Variants in SEZ6L observed in about 807,000 individuals in gnomAD.
SEZ6L encodes seizure 6-like protein.
Under a neutral mutation model 106.2 loss-of-function variants are expected in SEZ6L, and 37 were observed. The observed-to-expected ratio is 0.35, with a 90% CI of 0.27 to 0.46. The LOEUF is 0.46. Among genes scored for constraint, SEZ6L ranks in the 20% least tolerant of loss-of-function variants. SEZ6L has a pLI of 1.00. For missense variants in SEZ6L, 1,172 were observed against 1,332.8 expected (o/e 0.88, Z 1.88); for synonymous variants, 541 against 570.4 (o/e 0.95, Z 0.73).
At chr22:26,187,664 A>G (rs1473363582) in intron 1 of SEZ6L, among the ~76,000 whole-genome samples, 3 of 152,144 alleles carry the variant, frequency 2.0e-5, no homozygotes, top group Non-Finnish European at 4.4e-5. Flanking sequence ...AGAGGAGAGG[A>G]AAAGAATATA....
chr22:26,382,212 TA>T lies in SEZ6L; in HGVS notation c.*1918del, dbSNP rs566483976. On this transcript the variant is annotated 3_prime_UTR_variant, in exon 17 of 17. Coordinates refer to ENST00000248933, the MANE Select transcript of SEZ6L (RefSeq NM_021115.5). ...GAACCAGAGAAGTGTTCTAGGCCAT[TA>T]GTGGACAATGTCATGTTTGGAGAAA... 13 of 276,798 alleles carry T rather than the reference TA, an allele frequency of 4.7e-5. No individual in the cohort carries two copies. In the East Asian group the frequency reaches 1.1e-3, roughly 23 times the overall value. The allele number at this position is 276,798 out of a possible 1,614,324, so 17.1% of individuals were successfully genotyped here.
At chr22:26,170,650 A>T (rs1378183794) in intron 1 of SEZ6L, among the ~76,000 whole-genome samples, 1 of 152,088 alleles carries the variant, frequency 6.6e-6, no homozygotes, top group Non-Finnish European at 1.5e-5. Context: ...GGCCAGATAG[A>T]GAGAGGGGTG....
chr22:26,292,991 A>G lies in SEZ6L; in HGVS notation c.680A>G (p.Asp227Gly). ...CCAGAACCCGGGGAGCCTGGGCCTG[A>G]CATGGCCCAGGAGGCCCCCCAGGAG... ...QRPEPGEPGPDMAQEAPQEDT... is the reference protein window; with the variant it reads ...QRPEPGEPGPGMAQEAPQEDT... Residue 227 changes from aspartate to glycine, a missense_variant, in exon 2 of 17, where the codon GAC (aspartate) becomes GGC (glycine). Around this residue, in one of 4 missense-constraint regions of SEZ6L, gnomAD observed 494 missense variants for 445.8 expected, o/e 1.11. Transcript: ENST00000248933. The G allele has an allele frequency of 6.2e-7, 1 of 1,614,008 alleles. No homozygotes were observed. The highest frequency in any genetic ancestry group is 8.5e-7 in the Non-Finnish European group (1 of 1,179,944).
At chr22:26,351,273 A>C (rs1383203415) in intron 12 of SEZ6L, 30 bp downstream of exon 12, 23 of 1,598,836 alleles carry the variant, frequency 1.4e-5, no homozygotes, top group Non-Finnish European at 1.9e-5. Context: ...TTGGGCCCCC[A>C]GTAGGTAGAA....
intron 6 of SEZ6L, among the ~76,000 whole-genome samples, chr22:26,306,444 C>A (rs2081635190): frequency 6.6e-6 from 1 of 151,966 alleles, no homozygotes; most frequent in African/African-American, 2.4e-5. Flanking sequence ...TGCAGTTGAA[C>A]AAAAAGAGAG....
At chr22:26,327,538 C>T (rs538752348) in intron 9 of SEZ6L, among the ~76,000 whole-genome samples, 3 of 146,936 alleles carry the variant, frequency 2.0e-5, no homozygotes, top group African/African-American at 7.5e-5. Flanking sequence ...ACACTACACA[C>T]ACACACCACA....
chr22:26,347,786 C>T lies in SEZ6L; in HGVS notation c.2280C>T (p.His760=). Residue 760 remains histidine (H), a synonymous_variant, in exon 11 of 17, where the codon CAC becomes CAT. Coordinates refer to ENST00000248933, the MANE Select transcript of SEZ6L (RefSeq NM_021115.5). The part of the protein sequence containing the change: ...EIQNGWKTTS[H]TELVRGARIT... ...AGAATGGCTGGAAAACCACTTCTCA[C>T]ACGGAGTTGGTGCGGGGAGCCAGAA... 1 of 1,610,016 alleles carries T rather than the reference C, an allele frequency of 6.2e-7. No homozygotes were observed. Among genetic ancestry groups the T allele is most frequent in the Non-Finnish European group, 8.5e-7 (1 of 1,178,562 alleles).
At chr22:26,302,898 C>G (rs1273350121) in intron 5 of SEZ6L, among the ~76,000 whole-genome samples, 1 of 152,186 alleles carries the variant, frequency 6.6e-6, no homozygotes, top group Non-Finnish European at 1.5e-5. Flanking sequence ...CCAGAGCCCC[C>G]CACCAGGGAC....
chr22:26,286,120 C>T (rs915639122), intron 1 of SEZ6L, among the ~76,000 whole-genome samples: 1 of 152,180 alleles, frequency 6.6e-6, no homozygotes, highest in Non-Finnish European at 1.5e-5. Context: ...TTTTGCAGTA[C>T]CTTTTACCAA....
At chr22:26,185,895 A>G (rs1242298706) in intron 1 of SEZ6L, among the ~76,000 whole-genome samples, 2 of 152,128 alleles carry the variant, frequency 1.3e-5, no homozygotes, top group Admixed American at 6.5e-5. Context: ...ACCTCTCTGT[A>G]GTACGAATAG....
intron 1 of SEZ6L, among the ~76,000 whole-genome samples, chr22:26,255,286 C>T (rs986321516): frequency 6.6e-6 from 1 of 152,178 alleles, no homozygotes; most frequent in Non-Finnish European, 1.5e-5. Context: ...TACAAACTTG[C>T]CTTTTGCTTC....
Position 26,365,587 on chromosome 22 carries a change from C to T in SEZ6L, c.2794+21C>T, listed in dbSNP as rs201554238. 3.8e-6 allele frequency: 6 copies of T among 1,599,910 alleles called. No individual in the cohort carries two copies. In the African/African-American group the frequency reaches 6.7e-5, roughly 18 times the overall value. ...TAAAGGTAAAGAAACCTACTCACCA[C>T]ACAGGGTCCACGGGGCCTGGAGATG... On this transcript the variant is annotated intron_variant, in intron 13 of 16. Coordinates refer to ENST00000248933, the MANE Select transcript of SEZ6L (RefSeq NM_021115.5).
At chr22:26,336,569 G>A (rs917976011) in intron 9 of SEZ6L, among the ~76,000 whole-genome samples, 4 of 152,144 alleles carry the variant, frequency 2.6e-5, no homozygotes, top group Non-Finnish European at 5.9e-5. Context: ...CTATTGTCTT[G>A]TTCTTAGCTT....
At chr22:26,340,784 C>T in intron 10 of SEZ6L, 152 bp downstream of exon 10, 1 of 688,522 alleles carries the variant, frequency 1.5e-6, no homozygotes, top group Admixed American at 3.3e-5. Context: ...AGCCTGGGCT[C>T]TCTAGTCATG....
At chr22:26,349,481 A>G (rs897704710) in intron 11 of SEZ6L, among the ~76,000 whole-genome samples, 2 of 152,236 alleles carry the variant, frequency 1.3e-5, no homozygotes, top group African/African-American at 2.4e-5. Flanking sequence ...TATTGCTTCA[A>G]TTGTGTGTGT....
chr22:26,208,162 G>T (rs1941384830), intron 1 of SEZ6L, among the ~76,000 whole-genome samples: 1 of 151,842 alleles, frequency 6.6e-6, no homozygotes, highest in South Asian at 2.1e-4. Flanking sequence ...TGATCCGCCC[G>T]TCTCGGCCTC....
intron 1 of SEZ6L, among the ~76,000 whole-genome samples, chr22:26,238,006 T>G (rs903965138): frequency 6.6e-6 from 1 of 152,160 alleles, no homozygotes; most frequent in Non-Finnish European, 1.5e-5. Context: ...CCCAGGATTA[T>G]TGTTGATAAA....
In SEZ6L at chr22:26,310,843, G is replaced by A; in HGVS notation, c.1681+7G>A. On this transcript the variant is annotated splice_region_variant and intron_variant, in intron 7 of 16. Coordinates refer to ENST00000248933, the MANE Select transcript of SEZ6L (RefSeq NM_021115.5). ...TTCAACATCCGATTTGAAGGTGAGG[G>A]TCCCTGGGAGCTTCCCTTTCTCTTG... 1 of 1,613,064 alleles carries A rather than the reference G, an allele frequency of 6.2e-7. No homozygotes were observed. Among genetic ancestry groups the A allele is most frequent in the Non-Finnish European group, 8.5e-7 (1 of 1,179,596 alleles).
chr22:26,194,916 A>G (rs564372384), intron 1 of SEZ6L, among the ~76,000 whole-genome samples: 2 of 152,266 alleles, frequency 1.3e-5, no homozygotes, highest in South Asian at 4.1e-4. Context: ...TCTTATTTTA[A>G]TCCAAACCAA....
Sources: gnomAD v4.1 joint callset for allele counts (sites outside exome capture counted in the v4.1 genomes callset) on GRCh38, gnomAD v4.1.1 for gene constraint, gnomAD v4.1.1 regional missense constraint, MANE v1.5 for transcripts, NCBI Gene and HGNC (gene_info 2026-07-23, HGNC 2026-07-21) for gene names.